The following SCD5 variants were observed in gnomAD, a reference collection of about 807,000 sequenced individuals.
The protein encoded by SCD5 is stearoyl-CoA desaturase 5, also known as acyl-CoA-desaturase 4.
Under a neutral mutation model 30.4 loss-of-function variants are expected in SCD5, and 20 were observed. That is an observed-to-expected ratio of 0.66 (90% CI 0.46 to 0.96). SCD5 has a LOEUF of 0.96. Among genes scored for constraint, SCD5 ranks in the 40% least tolerant of loss-of-function variants. The probability of loss-of-function intolerance (pLI) is 0.00; values close to 1 mark genes in which losing one functional copy is unlikely to be tolerated. For synonymous variants in SCD5, 173 were observed against 176.4 expected, an observed-to-expected ratio of 0.98 and a Z score of 0.16; for missense variants, 381 against 443.3, an observed-to-expected ratio of 0.86 and a Z score of 1.26.
rs565983664 is a variant in SCD5 at position 82,679,135 on chromosome 4, G to T, written c.569+1572C>A. The stretch of plus-strand genomic sequence containing the variant: ...AATCGCTTGAACTCAGGAGGCAGAG[G>T]TTGCAGTGAGCCGAGATCACGCCAC... On this transcript the variant is annotated intron_variant, in intron 3 of 4. Transcript: ENST00000319540. Among the ~76,000 whole-genome samples the T allele has an allele frequency of 6.1e-3, 918 of 150,312 alleles. 9 individuals are homozygous for T. Among genetic ancestry groups the T allele is most frequent in the African/African-American group, 0.022 (876 of 40,732 alleles).
chr4:82,769,371 C>T (rs140236000), intron 1 of SCD5, among the ~76,000 whole-genome samples: 2 of 152,238 alleles, frequency 1.3e-5, no homozygotes, highest in South Asian at 2.1e-4. Context: ...TTGCAGTAGA[C>T]TATTAGGGGA....
intron 1 of SCD5, among the ~76,000 whole-genome samples, chr4:82,788,814 G>A (rs1168961686): frequency 6.6e-6 from 1 of 152,166 alleles, no homozygotes; most frequent in Admixed American, 6.5e-5. Flanking sequence ...ATAGGACATT[G>A]ACTCCATGTG....
At chr4:82,731,014 C>T (rs948407951) in intron 1 of SCD5, among the ~76,000 whole-genome samples, 1 of 152,164 alleles carries the variant, frequency 6.6e-6, no homozygotes, top group African/African-American at 2.4e-5. Context: ...ACACAGGAAA[C>T]CCCCAGACCC....
intron 1 of SCD5, among the ~76,000 whole-genome samples, chr4:82,787,879 C>T (rs1226466043): frequency 2.0e-5 from 3 of 152,014 alleles, no homozygotes; most frequent in Non-Finnish European, 2.9e-5. Context: ...AAAATAATAA[C>T]GTAAAAAATT....
intron 1 of SCD5, among the ~76,000 whole-genome samples, chr4:82,716,760 G>T (rs779111966): frequency 6.6e-6 from 1 of 151,716 alleles, no homozygotes; most frequent in Admixed American, 6.5e-5. Context: ...GGTGCAATGA[G>T]CCGAGATCGT....
intron 1 of SCD5, among the ~76,000 whole-genome samples, chr4:82,755,249 C>T (rs1721209044): frequency 1.3e-5 from 2 of 152,158 alleles, no homozygotes; most frequent in African/African-American, 2.4e-5. Context: ...CCTGTAATCC[C>T]AGCACTTTGG....
At chr4:82,666,331 C>G (rs148795657) in intron 3 of SCD5, among the ~76,000 whole-genome samples, 140 of 152,268 alleles carry the variant, frequency 9.2e-4, no homozygotes, top group African/African-American at 3.3e-3. Context: ...TACAGCCATA[C>G]ACTTTCCTTG....
rs537956255 is a variant in SCD5 at position 82,715,972 on chromosome 4, T to C, written c.233-10559A>G. 3.9e-5 allele frequency among the ~76,000 whole-genome samples: 6 copies of C among 151,970 alleles called. No homozygotes were observed. In the East Asian group the frequency reaches 9.6e-4, roughly 24 times the overall value. On this transcript the variant is annotated intron_variant, in intron 1 of 4. Transcript: ENST00000319540. ...GGAGAGCTATATTTGGAGCTGTCAATTGTGTAATATTTTACCAAAAAAAGT... is the reference window on the plus strand; with the variant it reads ...GGAGAGCTATATTTGGAGCTGTCAACTGTGTAATATTTTACCAAAAAAAGT...
chr4:82,668,775 T>C (rs1728244311), intron 3 of SCD5, among the ~76,000 whole-genome samples: 1 of 152,128 alleles, frequency 6.6e-6, no homozygotes, highest in Non-Finnish European at 1.5e-5. Flanking sequence ...CCAGGGTAAT[T>C]GAGTAGTAAG....
At chr4:82,771,920 AC>A in intron 1 of SCD5, among the ~76,000 whole-genome samples, 1 of 152,370 alleles carries the variant, frequency 6.6e-6, no homozygotes, top group East Asian at 1.9e-4. Flanking sequence ...TGAGGGAGCC[AC>A]ACTCATGATC....
intron 3 of SCD5, among the ~76,000 whole-genome samples, chr4:82,638,376 T>C (rs572206581): frequency 6.6e-6 from 1 of 152,014 alleles, no homozygotes; most frequent in East Asian, 1.9e-4. Context: ...GATGGGCAAA[T>C]GGGCTCAAGG....
chr4:82,733,790 G>C (rs964495943), intron 1 of SCD5, among the ~76,000 whole-genome samples: 3 of 152,082 alleles, frequency 2.0e-5, no homozygotes, highest in African/African-American at 7.2e-5. Flanking sequence ...TCTGGGTCTC[G>C]GGAACATGGT....
chr4:82,774,943 G>A (rs958654208), intron 1 of SCD5, among the ~76,000 whole-genome samples: 1 of 152,086 alleles, frequency 6.6e-6, no homozygotes, highest in Non-Finnish European at 1.5e-5. Flanking sequence ...CTGCCTGACT[G>A]CCCTCAGCTC....
chr4:82,635,646 A>G (rs1054268237), intron 4 of SCD5, among the ~76,000 whole-genome samples: 1 of 147,482 alleles, frequency 6.8e-6, no homozygotes, highest in Non-Finnish European at 1.5e-5. Context: ...AAGCAACATC[A>G]CGAAGGCTTG....
At chr4:82,712,273 TA>T (rs1720115979) in intron 1 of SCD5, among the ~76,000 whole-genome samples, 1 of 50,072 alleles carries the variant, frequency 2.0e-5, no homozygotes, top group African/African-American at 1.3e-4. Context: ...TATATATATA[TA>T]TATATATATA....
At position 82,754,492 on chromosome 4, in the gene SCD5, G is replaced by A. The variant is rs1468448131; in HGVS notation, c.232+43814C>T. ...GGTCTGGGTGGTCCTAAGAGGGAGA[G>A]GGACTCCTTCCAGGCTCCCCCCAGG... On this transcript the variant is annotated intron_variant, in intron 1 of 4. Coordinates refer to ENST00000319540, the MANE Select transcript of SCD5 (RefSeq NM_001037582.3). Among the ~76,000 whole-genome samples, 3 of 152,264 alleles carry A rather than the reference G, an allele frequency of 2.0e-5. No individual in the cohort carries two copies. The South Asian group carries it at 6.2e-4, about 32-fold the overall frequency.
chr4:82,723,031 C>T (rs1351657371), intron 1 of SCD5, among the ~76,000 whole-genome samples: 13 of 144,860 alleles, frequency 9.0e-5, no homozygotes, highest in African/African-American at 2.8e-4. Context: ...GAGCCGAGAT[C>T]GCGCCATTGC....
chr4:82,633,613 G>C (rs931863679), intron 4 of SCD5, among the ~76,000 whole-genome samples: 73 of 152,204 alleles, frequency 4.8e-4, no homozygotes, highest in African/African-American at 1.7e-3. Context: ...GTGTGCAAGG[G>C]TTCCCTTTTT....
chr4:82,754,983 A>G (rs1233651168), intron 1 of SCD5, among the ~76,000 whole-genome samples: 1 of 152,128 alleles, frequency 6.6e-6, no homozygotes, highest in Non-Finnish European at 1.5e-5. Flanking sequence ...GCTAAAACAG[A>G]AGGTGCCAAA....
Sources: allele counts gnomAD v4.1 joint callset (sites outside exome capture counted in the v4.1 genomes callset), GRCh38; gene constraint gnomAD v4.1.1; transcripts MANE v1.5; gene names NCBI Gene and HGNC (gene_info 2026-07-23, HGNC 2026-07-21).